The following PEX14 variants were observed in gnomAD, a reference collection of about 807,000 sequenced individuals.
PEX14 encodes peroxisomal membrane protein PEX14.
In PEX14, 15 loss-of-function variants were observed where a neutral mutation model predicts 49.5. That is an observed-to-expected ratio of 0.30 (90% CI 0.20 to 0.47). The LOEUF (loss-of-function observed/expected upper bound fraction) is 0.47, where lower values mean the gene tolerates loss of function less well. Ranked by LOEUF, PEX14 falls within the 20% of genes least tolerant of loss-of-function variation. The probability of loss-of-function intolerance (pLI) is 1.00; values close to 1 mark genes in which losing one functional copy is unlikely to be tolerated. For synonymous variants in PEX14, 210 were observed against 212.7 expected (o/e 0.99, Z 0.11); for missense variants, 398 against 494.8 (o/e 0.80, Z 1.86).
intron 2 of PEX14, among the ~76,000 whole-genome samples, chr1:10,526,004 C>G (rs1638466476): frequency 6.6e-6 from 1 of 150,850 alleles, no homozygotes; most frequent in Admixed American, 6.6e-5. Context: ...TCACTGCAAC[C>G]TCTGTCTCCC....
intron 3 of PEX14, among the ~76,000 whole-genome samples, chr1:10,562,914 C>CTTTTTTTTTT (rs35438761): frequency 6.8e-6 from 1 of 146,010 alleles, no homozygotes; most frequent in Admixed American, 6.9e-5. Context: ...TTCTTTCTTT[C>CTTTTTTTTTT]TTTTCTTTTT....
chr1:10,614,010 A>G (rs1641342947), intron 4 of PEX14, among the ~76,000 whole-genome samples: 1 of 152,212 alleles, frequency 6.6e-6, no homozygotes, highest in Non-Finnish European at 1.5e-5. Flanking sequence ...GTGTGTTCCC[A>G]GGCGCCCTGC....
Position 10,514,153 on chromosome 1 carries a change from CCT to C in PEX14, c.84+18835_84+18836del, listed in dbSNP as rs202037668. ...GAAAAAATGTATAAAATAATCTATG[CCT>C]CTGTGTGTGTGTGTGTGTGTGTGTG... On this transcript the variant is annotated intron_variant, in intron 2 of 8. Transcript: ENST00000356607. This position sits in a 1 kb window ranked among gnomAD's most constrained non-coding sequence, Gnocchi z 4.4. Among the ~76,000 whole-genome samples, 16 of 91,890 alleles carry C rather than the reference CCT, an allele frequency of 1.7e-4. No individual in the cohort carries two copies. The highest frequency in any genetic ancestry group is 3.3e-4 in the Non-Finnish European group (15 of 45,958). The allele number at this position is 91,890 out of a possible 152,430, so 60.3% of individuals were successfully genotyped here.
intron 4 of PEX14, among the ~76,000 whole-genome samples, chr1:10,617,988 G>C (rs1641476869): frequency 6.6e-6 from 1 of 152,174 alleles, no homozygotes; most frequent in Admixed American, 6.6e-5. Flanking sequence ...TATCCTCTCT[G>C]GATCTTTTGT....
chr1:10,482,485 G>A (rs1641299254), intron 1 of PEX14, among the ~76,000 whole-genome samples: 1 of 149,162 alleles, frequency 6.7e-6, no homozygotes, highest in African/African-American at 2.5e-5. Flanking sequence ...ACCGGCTGGA[G>A]TGCAGTGGCG....
intron 3 of PEX14, among the ~76,000 whole-genome samples, chr1:10,545,372 T>C (rs1383672722): frequency 2.0e-5 from 3 of 152,246 alleles, no homozygotes; most frequent in African/African-American, 7.2e-5. Flanking sequence ...GATCATATAA[T>C]AGGTGTGTGT....
chr1:10,569,740 A>G (rs2124547327), intron 3 of PEX14, among the ~76,000 whole-genome samples: 1 of 152,268 alleles, frequency 6.6e-6, no homozygotes, highest in South Asian at 2.1e-4. Flanking sequence ...CTAGGTTGGA[A>G]ATGATTTTTT....
chr1:10,530,403 G>A (rs934426485), intron 2 of PEX14, among the ~76,000 whole-genome samples: 4 of 152,216 alleles, frequency 2.6e-5, no homozygotes, highest in South Asian at 4.1e-4. Context: ...TGGGCTGTGC[G>A]AGTTAGCGGA....
intron 1 of PEX14, among the ~76,000 whole-genome samples, chr1:10,480,387 C>CTTTTTTTT (rs34544712): frequency 1.1e-5 from 1 of 87,290 alleles, no homozygotes; most frequent in Non-Finnish European, 2.0e-5. Context: ...GCCTGGCTAA[C>CTTTTTTTT]TTTTTTTTTT....
chr1:10,600,324 G>A (rs1640946665), intron 4 of PEX14, among the ~76,000 whole-genome samples: 4 of 152,258 alleles, frequency 2.6e-5, no homozygotes, highest in Admixed American at 2.6e-4. Context: ...AGGAGGCTGA[G>A]GAAGGAGAAT....
At chr1:10,513,554 C>T (rs1229270106) in intron 2 of PEX14, among the ~76,000 whole-genome samples, 5 of 152,156 alleles carry the variant, frequency 3.3e-5, no homozygotes, top group South Asian at 2.1e-4. Context: ...AAGTGTCCCT[C>T]GCAGGTTCCC....
chr1:10,529,692 CA>C lies in PEX14; in HGVS notation c.85-6519del, dbSNP rs1638589416. Among the ~76,000 whole-genome samples, 1 of 152,154 alleles carries C rather than the reference CA, an allele frequency of 6.6e-6. No homozygotes were observed. Among genetic ancestry groups the C allele is most frequent in the Non-Finnish European group, 1.5e-5 (1 of 68,038 alleles). Reference sequence around the variant, plus strand: ...AATGAGTTTTAAGAGAGACTAGGGTCAATAATGCATGCTTTAGAATTCCCTA... The same window carrying C: ...AATGAGTTTTAAGAGAGACTAGGGTCATAATGCATGCTTTAGAATTCCCTA... On this transcript the variant is annotated intron_variant, in intron 2 of 8. Coordinates refer to ENST00000356607, the MANE Select transcript of PEX14 (RefSeq NM_004565.3). This position sits in a 1 kb window ranked among gnomAD's most constrained non-coding sequence, Gnocchi z 4.2.
At chr1:10,579,820 C>A (rs1034070154) in intron 3 of PEX14, among the ~76,000 whole-genome samples, 5 of 152,082 alleles carry the variant, frequency 3.3e-5, no homozygotes, top group Non-Finnish European at 5.9e-5. Context: ...TCCTTTACTG[C>A]AACCTGTCTT....
At chr1:10,503,879 G>A (rs761740767) in intron 2 of PEX14, among the ~76,000 whole-genome samples, 2 of 151,996 alleles carry the variant, frequency 1.3e-5, no homozygotes, top group Non-Finnish European at 1.5e-5. Context: ...GATTACAGGC[G>A]CCCACCACCA....
intron 7 of PEX14, among the ~76,000 whole-genome samples, chr1:10,625,569 C>T (rs1641720625): frequency 6.6e-6 from 1 of 152,238 alleles, no homozygotes; most frequent in Non-Finnish European, 1.5e-5. Context: ...CACAGAGGTG[C>T]CACCTGCTCT....
chr1:10,547,600 A>T (rs1166950736), intron 3 of PEX14, among the ~76,000 whole-genome samples: 2 of 152,202 alleles, frequency 1.3e-5, no homozygotes, highest in African/African-American at 4.8e-5. Context: ...AGTTAGGTAC[A>T]CTAAGAGATT....
chr1:10,621,900 C>T (rs952322520), intron 5 of PEX14, among the ~76,000 whole-genome samples: 1 of 152,130 alleles, frequency 6.6e-6, no homozygotes, highest in African/African-American at 2.4e-5. Flanking sequence ...GGAGAAGTTT[C>T]CGTCCTCTTT....
intron 4 of PEX14, among the ~76,000 whole-genome samples, chr1:10,602,458 G>C (rs540613471): frequency 6.6e-6 from 1 of 151,440 alleles, no homozygotes; most frequent in South Asian, 2.1e-4. Flanking sequence ...TTAATATAGA[G>C]AAACAAGACT....
chr1:10,507,637 G>A (rs1441198526), intron 2 of PEX14, among the ~76,000 whole-genome samples: 1 of 152,178 alleles, frequency 6.6e-6, no homozygotes, highest in Non-Finnish European at 1.5e-5. Context: ...GCCGCTTGTT[G>A]TTCTGTCTCT....
Sources: gnomAD v4.1 joint callset for allele counts (sites outside exome capture counted in the v4.1 genomes callset) on GRCh38, gnomAD v4.1.1 for gene constraint, Gnocchi (gnomAD v3.1) non-coding constraint, MANE v1.5 for transcripts, NCBI Gene and HGNC (gene_info 2026-07-23, HGNC 2026-07-21) for gene names.